The following ZBTB7C variants were observed in gnomAD, a reference collection of about 807,000 sequenced individuals.
The protein encoded by ZBTB7C is zinc finger and BTB domain-containing protein 7C.
ZBTB7C carries 8 observed loss-of-function variants against 25.7 expected under a neutral mutation model. The observed-to-expected ratio is 0.31, with a 90% CI of 0.18 to 0.56. The LOEUF is 0.56. Ranked by LOEUF, ZBTB7C falls within the 20% of genes least tolerant of loss-of-function variation. ZBTB7C has a pLI of 0.91. For synonymous variants in ZBTB7C, 394 were observed against 369.0 expected (o/e 1.07, Z -0.78); for missense variants, 824 against 855.2 (o/e 0.96, Z 0.46).
intron 1 of ZBTB7C, among the ~76,000 whole-genome samples, chr18:48,367,525 A>C (rs1308889596): frequency 6.6e-6 from 1 of 151,546 alleles, no homozygotes; most frequent in African/African-American, 2.4e-5. Flanking sequence ...CAACCTGGAA[A>C]TATCAATGCG....
At position 48,083,243 on chromosome 18, in the gene ZBTB7C, C is replaced by T. The variant is rs561552536; in HGVS notation, c.-16-42120G>A. On this transcript the variant is annotated intron_variant, in intron 3 of 4. Transcript: ENST00000590800. ...ATTGATCAAACTATCCATAATAGAG[C>T]ATCACTTGCAGTTTGAAAAACACTG... 2.0e-5 allele frequency among the ~76,000 whole-genome samples: 3 copies of T among 152,124 alleles called. No homozygotes were observed. The East Asian group carries it at 5.8e-4, about 29-fold the overall frequency.
intron 2 of ZBTB7C, among the ~76,000 whole-genome samples, chr18:48,211,492 A>G (rs1220719958): frequency 6.6e-6 from 1 of 152,206 alleles, no homozygotes; most frequent in Non-Finnish European, 1.5e-5. Context: ...AACTCAAACT[A>G]AGAAACAATT....
chr18:48,175,020 C>T (rs1177608367), intron 3 of ZBTB7C, among the ~76,000 whole-genome samples: 3 of 152,182 alleles, frequency 2.0e-5, no homozygotes, highest in African/African-American at 7.2e-5. Flanking sequence ...ACCTTTCTAT[C>T]TCCAACTAAA....
intron 4 of ZBTB7C, among the ~76,000 whole-genome samples, chr18:48,030,982 C>A (rs2035721890): frequency 6.6e-6 from 1 of 152,178 alleles, no homozygotes; most frequent in Non-Finnish European, 1.5e-5. Context: ...GCCATAGGGG[C>A]CAGGAAGCTC....
At chr18:48,278,944 T>G (rs761360587) in intron 2 of ZBTB7C, among the ~76,000 whole-genome samples, 67 of 124,202 alleles carry the variant, frequency 5.4e-4, no homozygotes, top group Non-Finnish European at 8.6e-4. Context: ...TGCTTTCTTG[T>G]TTTTTTTTTT....
chr18:48,075,144 C>CA (rs1243700890), intron 3 of ZBTB7C, among the ~76,000 whole-genome samples: 1 of 152,136 alleles, frequency 6.6e-6, no homozygotes, highest in Non-Finnish European at 1.5e-5. Context: ...CTGCCTCCCC[C>CA]ACCCACAGTG....
rs2145233828 is a variant in ZBTB7C, at chr18:48,386,977, T to C, written c.-304+22249A>G. On this transcript the variant is annotated intron_variant, in intron 1 of 4. Coordinates refer to ENST00000590800, the MANE Select transcript of ZBTB7C (RefSeq NM_001318841.2). Reference sequence around the variant, plus strand: ...TCACTCCACGGTGCTATAGGAGTAATTAGTTCCAGTGGAATAATCTAGGAA... The same window carrying C: ...TCACTCCACGGTGCTATAGGAGTAACTAGTTCCAGTGGAATAATCTAGGAA... Among the ~76,000 whole-genome samples, 4 of 152,306 alleles carry C rather than the reference T, an allele frequency of 2.6e-5. No homozygotes were observed. The South Asian group carries it at 8.3e-4, about 32-fold the overall frequency.
chr18:48,210,069 C>G (rs1442754760), intron 2 of ZBTB7C, among the ~76,000 whole-genome samples: 1 of 152,174 alleles, frequency 6.6e-6, no homozygotes, highest in East Asian at 1.9e-4. Flanking sequence ...ACATGAGAAG[C>G]TGAATATCAT....
chr18:48,318,164 C>T (rs144406754), intron 2 of ZBTB7C, among the ~76,000 whole-genome samples: 17 of 152,204 alleles, frequency 1.1e-4, no homozygotes, highest in African/African-American at 4.1e-4. Context: ...CTCTCTGCCA[C>T]CCCCTATTGA....
intron 3 of ZBTB7C, among the ~76,000 whole-genome samples, chr18:48,157,784 T>C (rs867921379): frequency 3.7e-4 from 56 of 152,268 alleles, no homozygotes; most frequent in African/African-American, 1.3e-3. Flanking sequence ...CTGGCATATA[T>C]ATCAGGTGCC....
intron 3 of ZBTB7C, among the ~76,000 whole-genome samples, chr18:48,042,880 C>G (rs2036310414): frequency 6.6e-6 from 1 of 152,194 alleles, no homozygotes; most frequent in Non-Finnish European, 1.5e-5. Context: ...AAGGCCTCTG[C>G]TCTAACAGAG....
chr18:48,068,102 C>T (rs986529410), intron 3 of ZBTB7C, among the ~76,000 whole-genome samples: 4 of 151,194 alleles, frequency 2.6e-5, no homozygotes, highest in Admixed American at 6.6e-5. Flanking sequence ...CTTGGTTAGA[C>T]GAATTCAGTG....
rs866326819 is a variant in ZBTB7C at position 48,259,983 on chromosome 18, A to C, written c.-78-73988T>G. ...CTTAACAAGTTAAAGATATACTACCACACAGTCCAATCATTCCCTTCCTAG... is the reference window on the plus strand; with the variant it reads ...CTTAACAAGTTAAAGATATACTACCCCACAGTCCAATCATTCCCTTCCTAG... On this transcript the variant is annotated intron_variant, in intron 2 of 4. Coordinates refer to ENST00000590800, the MANE Select transcript of ZBTB7C (RefSeq NM_001318841.2). 2.6e-5 allele frequency among the ~76,000 whole-genome samples: 4 copies of C among 152,344 alleles called. No individual in the cohort carries two copies. The South Asian group carries it at 8.3e-4, about 32-fold the overall frequency.
At chr18:48,062,443 A>G (rs1371566905) in intron 3 of ZBTB7C, among the ~76,000 whole-genome samples, 1 of 152,244 alleles carries the variant, frequency 6.6e-6, no homozygotes, top group Non-Finnish European at 1.5e-5. Context: ...ACCCCTGAAC[A>G]CTAAGCGTGT....
intron 1 of ZBTB7C, among the ~76,000 whole-genome samples, chr18:48,399,211 C>T (rs1004426): frequency 0.19 from 29,365 of 152,146 alleles, 3,050 homozygotes; most frequent in Non-Finnish European, 0.24. Context: ...TTGTATTGCA[C>T]AAAATGTCTT....
chr18:48,384,861 T>C (rs994566267), intron 1 of ZBTB7C, among the ~76,000 whole-genome samples: 1 of 152,120 alleles, frequency 6.6e-6, no homozygotes, highest in East Asian at 1.9e-4. Flanking sequence ...TTTGTATTTT[T>C]AGTAGAGACG....
At chr18:48,396,904 G>A (rs1449449281) in intron 1 of ZBTB7C, among the ~76,000 whole-genome samples, 1 of 152,206 alleles carries the variant, frequency 6.6e-6, no homozygotes, top group East Asian at 1.9e-4. Flanking sequence ...AGCATAGGTG[G>A]ACGCCTACCT....
At chr18:48,340,423 G>A (rs1122761) in intron 1 of ZBTB7C, among the ~76,000 whole-genome samples, 139,285 of 152,240 alleles carry the variant, frequency 0.91, 64,396 homozygotes, top group Middle Eastern at 1. Flanking sequence ...TCAGGGAAGA[G>A]CAGAAAATCT....
chr18:48,223,611 A>G (rs1306952722), intron 2 of ZBTB7C, among the ~76,000 whole-genome samples: 2 of 152,128 alleles, frequency 1.3e-5, no homozygotes, highest in Non-Finnish European at 2.9e-5. Context: ...AGGGGTGAGG[A>G]TGGTGTCCCA....
Sources: gnomAD v4.1 joint callset for allele counts (sites outside exome capture counted in the v4.1 genomes callset) on GRCh38, gnomAD v4.1.1 for gene constraint, MANE v1.5 for transcripts, NCBI Gene and HGNC (gene_info 2026-07-23, HGNC 2026-07-21) for gene names.